TPM3: variants seen among roughly 807,000 people sequenced by gnomAD.
TPM3 encodes the protein tropomyosin 3.
A neutral mutation model predicts 43.1 loss-of-function variants in TPM3; 16 were observed. That is an observed-to-expected ratio of 0.37 (90% CI 0.25 to 0.56). The LOEUF (loss-of-function observed/expected upper bound fraction) is 0.56. TPM3 is among the 20% of genes least tolerant of loss of function. The pLI is 0.77. For missense variants in TPM3, 176 were observed against 337.2 expected (o/e 0.52, Z 3.74); for synonymous variants, 101 against 116.9 (o/e 0.86, Z 0.88).
At chr1:154,155,726 C>T (rs1318221586), downstream of TPM3, 1 of 226,316 alleles carries the variant, frequency 4.4e-6, no homozygotes, top group African/African-American at 2.2e-5. Flanking sequence ...TAGTGATCAG[C>T]ATTATATATT....
At chr1:154,160,233 T>C (rs1405860772), downstream of TPM3, among the ~76,000 whole-genome samples, 1 of 151,966 alleles carries the variant, frequency 6.6e-6, no homozygotes, top group Admixed American at 6.6e-5. Context: ...CCTCTGAAAT[T>C]CACAAATAAG....
chr1:154,168,005 G>A, intron 9 of TPM3, 65 bp from the exon 10 acceptor site: 4 of 1,609,880 alleles, frequency 2.5e-6, no homozygotes, highest in Non-Finnish European at 3.4e-6. Context: ...AGCAAACTGG[G>A]AAAAAGGAAG....
At position 154,191,952 on chromosome 1, in the gene TPM3, C is replaced by T. The variant is rs369567361; in HGVS notation, c.67G>A (p.Ala23Thr). ...KLDKENALDRAEQAEAEQKQA... is the reference protein window; with the variant it reads ...KLDKENALDRTEQAEAEQKQA... Reference sequence around the variant, plus strand: ...TTCTGCTCAGCTTCAGCTTGCTCTGCCCGATCCAGAGCATTCTCCTTGTCT... The same window carrying T: ...TTCTGCTCAGCTTCAGCTTGCTCTGTCCGATCCAGAGCATTCTCCTTGTCT... The change falls in exon 1 of 10, where the codon GCA (alanine) becomes ACA (threonine). Residue 23 changes from alanine (A) to threonine (T), a missense_variant. By Grantham distance (58) the Ala-to-Thr change is moderately conservative (BLOSUM62 0). This residue lies in a region of TPM3 where 82 missense variants were observed against 148.8 expected (regional missense o/e 0.55). Coordinates refer to ENST00000651641, the MANE Select transcript of TPM3 (RefSeq NM_152263.4). 4 of 1,613,916 alleles carry T rather than the reference C, an allele frequency of 2.5e-6. No homozygotes were observed. The highest frequency in any genetic ancestry group is 2.5e-6 in the Non-Finnish European group (3 of 1,180,020).
rs949119116 is a variant in TPM3 at position 154,186,765 on chromosome 1, C to T, written c.243+4421G>A. ...TTTATGTATGCGTATTTTACCACAA[C>T]TTAGAAAACAAAGTTAGACAAATTT... On this transcript the variant is annotated intron_variant, in intron 2 of 9. Coordinates refer to ENST00000651641, the MANE Select transcript of TPM3 (RefSeq NM_152263.4). Among the ~76,000 whole-genome samples the T allele has an allele frequency of 1.7e-4, 26 of 151,640 alleles. 2 individuals carry two copies. Among genetic ancestry groups the T allele is most frequent in the African/African-American group, 6.4e-4 (26 of 40,928 alleles).
rs1440778543 is a variant in TPM3, at chr1:154,162,516, G to C, written c.*5421C>G. On this transcript the variant is annotated 3_prime_UTR_variant, in exon 10 of 10. Transcript: ENST00000651641. ...TAAAGCTGCCAAACAGAATAGGTCA[G>C]TTGTACCTATCAGATAACTTGGGGT... 6.6e-6 allele frequency among the ~76,000 whole-genome samples: 1 copy of C among 152,100 alleles called. No homozygotes were observed. The highest frequency in any genetic ancestry group is 1.5e-5 in the Non-Finnish European group (1 of 68,032).
At chr1:154,157,534 C>A, downstream of TPM3, 1 of 765,000 alleles carries the variant, frequency 1.3e-6, no homozygotes, top group Non-Finnish European at 2.4e-6. Context: ...AAGCAGCCTT[C>A]CAGTTAAAGA....
intron 2 of TPM3, among the ~76,000 whole-genome samples, chr1:154,186,301 A>G (rs1346246539): frequency 6.6e-6 from 1 of 151,462 alleles, no homozygotes; most frequent in Non-Finnish European, 1.5e-5. Flanking sequence ...GTGCCCTGGT[A>G]AAGCAGCAGA....
At chr1:154,174,632 T>G (rs1421415829) in intron 3 of TPM3, among the ~76,000 whole-genome samples, 1 of 149,962 alleles carries the variant, frequency 6.7e-6, no homozygotes, top group Non-Finnish European at 1.5e-5. Context: ...GTAGCTGGGA[T>G]TACAGGCGCG....
intron 2 of TPM3, among the ~76,000 whole-genome samples, chr1:154,188,705 G>A (rs1190739125): frequency 2.0e-5 from 3 of 149,976 alleles, no homozygotes; most frequent in Admixed American, 6.6e-5. Flanking sequence ...GCCTGTGCTG[G>A]CCTTAACTTT....
chr1:154,183,894 G>A (rs567340518), intron 2 of TPM3: 81 of 120,464 alleles, frequency 6.7e-4, no homozygotes, highest in African/African-American at 2.7e-3. Flanking sequence ...ACAAGATCTC[G>A]CTCTGTTGCT....
At chr1:154,183,263 G>T (rs1205791640) in intron 2 of TPM3, 3 of 1,520,614 alleles carry the variant, frequency 2.0e-6, no homozygotes, top group African/African-American at 2.7e-5. Context: ...CCTCTGCCGC[G>T]CCCTCCCACC....
At chr1:154,183,278 G>A in intron 2 of TPM3, 11 of 1,514,192 alleles carry the variant, frequency 7.3e-6, no homozygotes, top group South Asian at 1.2e-5. Context: ...CCCACCGCCA[G>A]GCAGGCGGGA....
At chr1:154,187,293 T>C (rs1571450103) in intron 2 of TPM3, 1 of 981,270 alleles carries the variant, frequency 1.0e-6, no homozygotes, top group Non-Finnish European at 1.2e-6. Flanking sequence ...AAAACCAGGC[T>C]GTTGCAAGAT....
In TPM3 at chr1:154,163,215, G is replaced by A. The variant is rs1243604130; in HGVS notation, c.*4722C>T. 6.6e-6 allele frequency among the ~76,000 whole-genome samples: 1 copy of A among 152,140 alleles called. No homozygotes were observed. The highest frequency in any genetic ancestry group is 1.5e-5 in the Non-Finnish European group (1 of 68,026). ...CCAATATAATAGCCACTAGCCACAGGTAGCCAAATTTAAATGAACTACAAT... is the reference window on the plus strand; with the variant it reads ...CCAATATAATAGCCACTAGCCACAGATAGCCAAATTTAAATGAACTACAAT... On this transcript the variant is annotated 3_prime_UTR_variant, in exon 10 of 10. Coordinates refer to ENST00000651641, the MANE Select transcript of TPM3 (RefSeq NM_152263.4).
Position 154,167,246 on chromosome 1 carries a change from G to A in TPM3, c.*691C>T. On this transcript the variant is annotated 3_prime_UTR_variant, in exon 10 of 10. Coordinates refer to ENST00000651641, the MANE Select transcript of TPM3 (RefSeq NM_152263.4). ...GAAGAAAAAGTAAAAAAACCGTCCA[G>A]AATTCTATCCATTGTGTATTTTTCT... 1.0e-6 allele frequency: 1 copy of A among 955,554 alleles called. No homozygotes were observed. 59.2% of individuals were successfully genotyped at this position (955,554 alleles called of 1,614,324 possible). A position where few individuals can be genotyped will look rare whatever the true frequency, so the allele number is the denominator to read the frequency against.
At chr1:154,183,148 CG>C (rs778149600) in intron 2 of TPM3, 2 of 1,597,662 alleles carry the variant, frequency 1.3e-6, no homozygotes, top group Non-Finnish European at 1.7e-6. Flanking sequence ...GCTCGCGCTC[CG>C]GTTCCTGCCT....
intron 2 of TPM3, among the ~76,000 whole-genome samples, chr1:154,189,033 G>A (rs1663546335): frequency 6.6e-6 from 1 of 151,038 alleles, no homozygotes; most frequent in African/African-American, 2.4e-5. Flanking sequence ...TCAGGAGACT[G>A]AGGCAGGAGA....
Position 154,166,754 on chromosome 1 carries a change from T to C in TPM3, c.*1183A>G. 1 of 931,302 alleles carries C rather than the reference T, an allele frequency of 1.1e-6. No homozygotes were observed. The highest frequency in any genetic ancestry group is 1.8e-5 in the African/African-American group (1 of 55,988). The allele number at this position is 931,302 out of a possible 1,614,324, so 57.7% of individuals were successfully genotyped here. A position where few individuals can be genotyped will look rare whatever the true frequency, so the allele number is the denominator to read the frequency against. ...TGGAATGCAGTGGCGCGATCTCCGC[T>C]CACTGCAACCTCCGCCTCCCAGGTG... On this transcript the variant is annotated 3_prime_UTR_variant, in exon 10 of 10. Coordinates refer to ENST00000651641, the MANE Select transcript of TPM3 (RefSeq NM_152263.4).
chr1:154,183,213 T>A (rs1454262458), intron 2 of TPM3: 1 of 1,569,826 alleles, frequency 6.4e-7, no homozygotes, highest in Non-Finnish European at 8.6e-7. Context: ...TGCTACGCCC[T>A]GAAATACCGG....
Sources: allele counts gnomAD v4.1 joint callset (sites outside exome capture counted in the v4.1 genomes callset), GRCh38; gene constraint gnomAD v4.1.1; regional missense constraint gnomAD v4.1.1; transcripts MANE v1.5; gene names NCBI Gene and HGNC (gene_info 2026-07-23, HGNC 2026-07-21).